NBAS: variants seen among roughly 807,000 people sequenced by gnomAD.
NBAS encodes NBAS subunit of NRZ tethering complex.
A neutral mutation model predicts 302.5 loss-of-function variants in NBAS; 219 were observed. That is an observed-to-expected ratio of 0.72 (90% CI 0.65 to 0.81). NBAS has a LOEUF of 0.81. Among genes scored for constraint, NBAS ranks in the 30% least tolerant of loss-of-function variants. The probability of loss-of-function intolerance (pLI) is 0.00; values close to 1 mark genes in which losing one functional copy is unlikely to be tolerated. For missense variants in NBAS, 2,932 were observed against 2,841.6 expected (o/e 1.03, Z -0.72); for synonymous variants, 1,118 against 1,021.6 (o/e 1.09, Z -1.80).
chr2:14,947,872 A>G, the NBAS span, among the ~76,000 whole-genome samples: 3 of 151,966 alleles, frequency 2.0e-5, no homozygotes, highest in Admixed American at 1.3e-4. Context: ...GTCTATTGAG[A>G]AGATCATATG....
chr2:14,783,249 T>C, the NBAS span, among the ~76,000 whole-genome samples: 1 of 152,156 alleles, frequency 6.6e-6, no homozygotes, highest in Non-Finnish European at 1.5e-5. Flanking sequence ...GAAAATGTGG[T>C]TGACCTAACT....
the NBAS span, among the ~76,000 whole-genome samples, chr2:14,925,381 T>C: frequency 6.6e-6 from 1 of 152,192 alleles, no homozygotes; most frequent in South Asian, 2.1e-4. Flanking sequence ...ACTCTCGAGC[T>C]CACTTCACCT....
chr2:15,364,345 A>T (rs1674089985), intron 32 of NBAS, among the ~76,000 whole-genome samples: 1 of 152,170 alleles, frequency 6.6e-6, no homozygotes, highest in Non-Finnish European at 1.5e-5. Context: ...CAGCCTGACC[A>T]GCATGGGGAA....
At chr2:15,010,853 G>A in the NBAS span, among the ~76,000 whole-genome samples, 7 of 152,126 alleles carry the variant, frequency 4.6e-5, no homozygotes, top group African/African-American at 4.8e-5. Context: ...CACTTTCCAC[G>A]TGCAGATTCT....
At chr2:15,043,274 C>T in the NBAS span, among the ~76,000 whole-genome samples, 1 of 152,112 alleles carries the variant, frequency 6.6e-6, no homozygotes, top group African/African-American at 2.4e-5. Context: ...CCTCCCTGTG[C>T]GTCTTGGACC....
At chr2:15,183,023 C>T (rs1201067969) in intron 50 of NBAS, among the ~76,000 whole-genome samples, 3 of 151,500 alleles carry the variant, frequency 2.0e-5, no homozygotes, top group Admixed American at 6.6e-5. Flanking sequence ...TCATGGAGTA[C>T]GACAACCAAA....
At chr2:14,884,179 G>C in the NBAS span, among the ~76,000 whole-genome samples, 3 of 152,010 alleles carry the variant, frequency 2.0e-5, no homozygotes, top group Non-Finnish European at 4.4e-5. Context: ...GCTTCATTTT[G>C]AGCGTAGTTA....
At chr2:14,825,736 G>T in the NBAS span, among the ~76,000 whole-genome samples, 3 of 152,116 alleles carry the variant, frequency 2.0e-5, no homozygotes, top group Admixed American at 6.5e-5. Context: ...TTGTTAAATT[G>T]GGGGAAAGGT....
chr2:15,215,661 T>C (rs1219572263), intron 48 of NBAS, among the ~76,000 whole-genome samples: 4 of 152,300 alleles, frequency 2.6e-5, no homozygotes, highest in South Asian at 2.1e-4. Context: ...GGGGATCTTC[T>C]AGGTGTTTGG....
chr2:14,926,303 C>A, the NBAS span, among the ~76,000 whole-genome samples: 3 of 152,144 alleles, frequency 2.0e-5, no homozygotes, highest in African/African-American at 7.2e-5. Context: ...CACACTTACT[C>A]TCCTCTAGGC....
At chr2:15,305,449 G>GCTT (rs766552962) in intron 40 of NBAS, among the ~76,000 whole-genome samples, 5 of 123,802 alleles carry the variant, frequency 4.0e-5, no homozygotes, top group Non-Finnish European at 5.0e-5. Flanking sequence ...GTCTCGAGCA[G>GCTT]TTTTTTTTTT....
At chr2:15,321,704 GC>G (rs1671814482) in intron 38 of NBAS, among the ~76,000 whole-genome samples, 1 of 152,122 alleles carries the variant, frequency 6.6e-6, no homozygotes, top group Non-Finnish European at 1.5e-5. Context: ...ACCATCTCAT[GC>G]CAGTTAGAAT....
intron 26 of NBAS, among the ~76,000 whole-genome samples, chr2:15,401,630 C>T (rs898517957): frequency 6.6e-6 from 1 of 152,114 alleles, no homozygotes; most frequent in Non-Finnish European, 1.5e-5. Flanking sequence ...GATTAGATTG[C>T]TACCTGACTT....
chr2:15,441,515 A>G (rs1678404368), intron 21 of NBAS, among the ~76,000 whole-genome samples: 1 of 152,104 alleles, frequency 6.6e-6, no homozygotes, highest in Non-Finnish European at 1.5e-5. Context: ...AGCACTAAAC[A>G]TGGAAAGGAA....
intron 42 of NBAS, among the ~76,000 whole-genome samples, chr2:15,278,355 TA>T (rs1022520451): frequency 1.3e-5 from 2 of 152,206 alleles, no homozygotes; most frequent in South Asian, 2.1e-4. Flanking sequence ...CCCCAGTCTA[TA>T]AAAATTTCTC....
chr2:15,466,724 G>A (rs1373357113), intron 19 of NBAS, among the ~76,000 whole-genome samples: 2 of 152,106 alleles, frequency 1.3e-5, no homozygotes, highest in Non-Finnish European at 2.9e-5. Context: ...GATTGCTTGA[G>A]TCTAGAAGTT....
intron 2 of NBAS, among the ~76,000 whole-genome samples, chr2:15,558,313 G>A (rs755560776): frequency 1.5e-4 from 23 of 152,152 alleles, no homozygotes; most frequent in Non-Finnish European, 2.6e-4. Context: ...CCATGGCCCA[G>A]GAATTGAGGA....
the NBAS span, among the ~76,000 whole-genome samples, chr2:15,018,030 G>T: frequency 6.6e-6 from 1 of 152,010 alleles, no homozygotes; most frequent in East Asian, 1.9e-4. Flanking sequence ...AGCAAAATAA[G>T]CCAGGGATAG....
At chr2:15,344,636 G>A (rs1389679533) in intron 35 of NBAS, among the ~76,000 whole-genome samples, 1 of 152,140 alleles carries the variant, frequency 6.6e-6, no homozygotes, top group Non-Finnish European at 1.5e-5. Flanking sequence ...AACTGAAAAG[G>A]AGGGACTCCT....
Sources: gnomAD v4.1 joint callset for allele counts (sites outside exome capture counted in the v4.1 genomes callset) on GRCh38, gnomAD v4.1.1 for gene constraint, MANE v1.5 for transcripts, NCBI Gene and HGNC (gene_info 2026-07-23, HGNC 2026-07-21) for gene names.